RASEF: variants seen among roughly 807,000 people sequenced by gnomAD.
The protein encoded by RASEF is RAS and EF-hand domain containing.
RASEF carries 68 observed loss-of-function variants against 90.1 expected under a neutral mutation model. The ratio of observed to expected loss-of-function variants is 0.75; its 90% CI spans 0.62 to 0.92. The LOEUF is 0.92. RASEF is among the 40% of genes least tolerant of loss of function. The pLI, the probability that RASEF is intolerant of heterozygous loss-of-function variation, is 0.00. For missense variants in RASEF, 949 were observed against 937.2 expected (o/e 1.01, Z -0.16); for synonymous variants, 331 against 345.2 (o/e 0.96, Z 0.46).
At chr9:83,036,802 A>G (rs779848576) in intron 1 of RASEF, among the ~76,000 whole-genome samples, 22 of 152,314 alleles carry the variant, frequency 1.4e-4, no homozygotes, top group Non-Finnish European at 3.1e-4. Flanking sequence ...AATTGTAACA[A>G]TTGTACTACA....
intron 1 of RASEF, among the ~76,000 whole-genome samples, chr9:83,052,926 T>C (rs943631311): frequency 1.3e-5 from 2 of 148,154 alleles, no homozygotes; most frequent in African/African-American, 5.2e-5. Flanking sequence ...TTATAATTTC[T>C]GTTCTTTTAC....
At chr9:83,040,059 C>A (rs945642730) in intron 1 of RASEF, among the ~76,000 whole-genome samples, 6 of 152,130 alleles carry the variant, frequency 3.9e-5, no homozygotes, top group Non-Finnish European at 8.8e-5. Context: ...TTATAAAGGG[C>A]CGTTCCCCTA....
intron 5 of RASEF, 74 bp downstream of exon 5, chr9:83,012,360 G>A (rs1829261659): frequency 4.0e-6 from 3 of 748,012 alleles, no homozygotes; most frequent in Non-Finnish European, 6.2e-6. Context: ...GCTCTTCCTG[G>A]AACACTGAAA....
chr9:83,011,483 T>G (rs369690943), intron 5 of RASEF, among the ~76,000 whole-genome samples: 1 of 128,998 alleles, frequency 7.8e-6, no homozygotes, highest in African/African-American at 3.1e-5. Context: ...ACCCAGGAGA[T>G]GGAGGTTGCA....
intron 1 of RASEF, chr9:83,049,351 A>G (rs1424564721): frequency 3.0e-6 from 3 of 985,076 alleles, no homozygotes; most frequent in Admixed American, 6.2e-5. Flanking sequence ...ACATCTCCAC[A>G]GTCAATGTCC....
chr9:83,091,999 ATTTC>A, the RASEF span, among the ~76,000 whole-genome samples: 14 of 17,224 alleles, frequency 8.1e-4, no homozygotes, highest in Non-Finnish European at 1.2e-3. Flanking sequence ...TTTTTCTTTT[ATTTC>A]TTTTTTTTTT....
the RASEF span, among the ~76,000 whole-genome samples, chr9:83,168,958 T>C: frequency 0.32 from 48,739 of 151,902 alleles, 7,954 homozygotes; most frequent in Middle Eastern, 0.43. Context: ...TGTTTTCTTG[T>C]GCTCATTAAC....
chr9:83,055,415 C>CGCGCACACACTGGCCT (rs1564090612), intron 1 of RASEF: 1 of 583,748 alleles, frequency 1.7e-6, no homozygotes, highest in African/African-American at 1.9e-5. Flanking sequence ...GCGCACGGTG[C>CGCGCACACACTGGCCT]GCGCACACAC....
At chr9:83,056,151 T>C (rs992523644) in intron 1 of RASEF, among the ~76,000 whole-genome samples, 2 of 152,246 alleles carry the variant, frequency 1.3e-5, no homozygotes, top group East Asian at 1.9e-4. Context: ...AAATTCACTC[T>C]TCTTATAATT....
At chr9:83,048,029 GGCTGA>G (rs750283623) in intron 1 of RASEF, 9 of 744,354 alleles carry the variant, frequency 1.2e-5, no homozygotes, top group Non-Finnish European at 1.5e-5. Context: ...GCTGAAAAGT[GGCTGA>G]GCTGAGAAGT....
chr9:83,064,736 GC>G (rs1830266980), upstream of RASEF, among the ~76,000 whole-genome samples: 7 of 151,996 alleles, frequency 4.6e-5, no homozygotes, highest in South Asian at 1.5e-3. Flanking sequence ...GACCTGCTTT[GC>G]CCTTTCCCTA....
At chr9:83,212,490 A>C in the RASEF span, among the ~76,000 whole-genome samples, 1 of 152,262 alleles carries the variant, frequency 6.6e-6, no homozygotes, top group Admixed American at 6.5e-5. Flanking sequence ...TATGATTTGC[A>C]ATTACTTAAG....
At chr9:83,038,428 T>C (rs1332141273) in intron 1 of RASEF, among the ~76,000 whole-genome samples, 1 of 152,130 alleles carries the variant, frequency 6.6e-6, no homozygotes, top group Non-Finnish European at 1.5e-5. Context: ...TCAAATTTAA[T>C]AGTCAAAAAA....
the RASEF span, among the ~76,000 whole-genome samples, chr9:83,109,527 A>G: frequency 6.6e-6 from 1 of 152,200 alleles, no homozygotes; most frequent in African/African-American, 2.4e-5. Flanking sequence ...GTTTTGACCA[A>G]TTCCTGAATA....
At chr9:83,083,466 G>T in the RASEF span, among the ~76,000 whole-genome samples, 1 of 151,936 alleles carries the variant, frequency 6.6e-6, no homozygotes, top group Non-Finnish European at 1.5e-5. Context: ...TGATATACTT[G>T]AACAAATATC....
chr9:83,134,784 A>C, the RASEF span, among the ~76,000 whole-genome samples: 1 of 152,064 alleles, frequency 6.6e-6, no homozygotes. Context: ...GAAAATAAAC[A>C]CATGTCTACA....
chr9:83,038,202 T>C (rs1829777330), intron 1 of RASEF, among the ~76,000 whole-genome samples: 1 of 152,118 alleles, frequency 6.6e-6, no homozygotes, highest in South Asian at 2.1e-4. Flanking sequence ...TTAAAGAAAG[T>C]ATTTTGAAAG....
intron 13 of RASEF, 129 bp downstream of exon 13, chr9:82,998,236 A>T: frequency 1.8e-6 from 1 of 567,964 alleles, no homozygotes; most frequent in Non-Finnish European, 3.2e-6. Context: ...ATAATTATAC[A>T]TGTAATTATG....
chr9:83,042,178 A>G (rs1829855558), intron 1 of RASEF, among the ~76,000 whole-genome samples: 1 of 152,192 alleles, frequency 6.6e-6, no homozygotes, highest in South Asian at 2.1e-4. Flanking sequence ...AGCAAAATGA[A>G]TACAAAAGCT....
Sources: allele counts gnomAD v4.1 joint callset (sites outside exome capture counted in the v4.1 genomes callset), GRCh38; gene constraint gnomAD v4.1.1; transcripts MANE v1.5; gene names NCBI Gene and HGNC (gene_info 2026-07-23, HGNC 2026-07-21).